Variants in NXN observed in about 807,000 individuals in gnomAD.
The protein encoded by NXN is nucleoredoxin 1.
Under a neutral mutation model 48.6 loss-of-function variants are expected in NXN, and 16 were observed. The ratio of observed to expected loss-of-function variants is 0.33; its 90% CI spans 0.22 to 0.50. The LOEUF is 0.50. Ranked by LOEUF, NXN falls within the 20% of genes least tolerant of loss-of-function variation. The pLI is 0.98. For synonymous variants in NXN, 281 were observed against 269.6 expected (o/e 1.04, Z -0.41); for missense variants, 492 against 605.5 (o/e 0.81, Z 1.97).
intron 1 of NXN, among the ~76,000 whole-genome samples, chr17:976,418 C>T (rs1182693307): frequency 2.6e-5 from 4 of 152,116 alleles, no homozygotes; most frequent in Non-Finnish European, 5.9e-5. Flanking sequence ...CCTTTGTTAT[C>T]CCAATGGGAA....
Position 958,604 on chromosome 17 carries a change from G to C in NXN, c.360+20715C>G, listed in dbSNP as rs189276308. On this transcript the variant is annotated intron_variant, in intron 1 of 7. Transcript: ENST00000336868. The surrounding 1 kb of genome is among the most constrained non-coding windows in gnomAD (Gnocchi z 6.9). ...TGGCCAACATGGTGAAACCCCATCT[G>C]TACTAAAAATACAAAAATTAGCCAG... Among the ~76,000 whole-genome samples, 314 of 152,004 alleles carry C rather than the reference G, an allele frequency of 2.1e-3. 3 individuals are homozygous for C. The highest frequency in any genetic ancestry group is 7.3e-3 in the African/African-American group (301 of 41,414).
intron 1 of NXN, among the ~76,000 whole-genome samples, chr17:899,992 G>C (rs1474309828): frequency 6.6e-6 from 1 of 152,292 alleles, no homozygotes; most frequent in South Asian, 2.1e-4. Flanking sequence ...AGGGCCGGGC[G>C]TGGTGGCTCA....
chr17:819,866 TG>T (rs1912725076), intron 4 of NXN, among the ~76,000 whole-genome samples: 1 of 152,202 alleles, frequency 6.6e-6, no homozygotes, highest in Admixed American at 6.5e-5. Flanking sequence ...AGCTCAGATG[TG>T]CACAGCCACT....
rs150868094 is a variant in NXN, at chr17:885,497, G to GA, written c.361-59420dup. On this transcript the variant is annotated intron_variant, in intron 1 of 7. Coordinates refer to ENST00000336868, the MANE Select transcript of NXN (RefSeq NM_022463.5). ...AATCTCAAAAAAAAGAAAAGAAAAG[G>GA]AAAAAAAAAAGAGTTCAGGATTTCA... is the stretch of plus-strand genomic sequence containing the variant. Among the ~76,000 whole-genome samples the GA allele has an allele frequency of 8.7e-4, 126 of 145,384 alleles. 2 individuals are homozygous for GA. The highest frequency in any genetic ancestry group is 2.9e-3 in the African/African-American group (114 of 39,338).
At chr17:943,440 C>T (rs78632458) in intron 1 of NXN, among the ~76,000 whole-genome samples, 22,755 of 152,116 alleles carry the variant, frequency 0.15, 2,271 homozygotes, top group East Asian at 0.33. Flanking sequence ...CTGTTCCCCA[C>T]GTGCCGTAAC....
chr17:928,776 C>T (rs1013881208), intron 1 of NXN, among the ~76,000 whole-genome samples: 2 of 152,110 alleles, frequency 1.3e-5, no homozygotes, highest in South Asian at 2.1e-4. Context: ...GCGGAGTTTG[C>T]AGTGAGCCGA....
At chr17:882,594 T>G (rs1391608057) in intron 1 of NXN, among the ~76,000 whole-genome samples, 2 of 151,840 alleles carry the variant, frequency 1.3e-5, no homozygotes, top group Non-Finnish European at 2.9e-5. Context: ...GCCTCCCATG[T>G]AACTGGGACT....
At chr17:889,783 A>G (rs2068396468) in intron 1 of NXN, among the ~76,000 whole-genome samples, 1 of 152,050 alleles carries the variant, frequency 6.6e-6, no homozygotes, top group Non-Finnish European at 1.5e-5. Context: ...GAAAAGAGAG[A>G]GAAAAGAAAT....
chr17:974,813 TTTTATTTATTTATTTA>T (rs34003449), intron 1 of NXN, among the ~76,000 whole-genome samples: 1 of 150,136 alleles, frequency 6.7e-6, no homozygotes, highest in Non-Finnish European at 1.5e-5. Flanking sequence ...ATTACTTTAT[TTTTATTTATTTATTTA>T]TTTATTTATT....
chr17:949,986 G>A (rs1597268623), intron 1 of NXN, among the ~76,000 whole-genome samples: 3 of 152,016 alleles, frequency 2.0e-5, no homozygotes, highest in Admixed American at 2.0e-4. Context: ...GTCCTCCTTG[G>A]AGCCAAAACA....
At chr17:869,903 A>G (rs1485124107) in intron 1 of NXN, among the ~76,000 whole-genome samples, 1 of 152,164 alleles carries the variant, frequency 6.6e-6, no homozygotes, top group East Asian at 1.9e-4. Flanking sequence ...GTGGCGTGCG[A>G]GAGCTCTCGT....
At chr17:889,761 A>AAGAGAG (rs1555619043) in intron 1 of NXN, among the ~76,000 whole-genome samples, 1 of 70,780 alleles carries the variant, frequency 1.4e-5, no homozygotes, top group Non-Finnish European at 2.8e-5. Context: ...GAAAGAAAGA[A>AAGAGAG]AAAGAAAGAA....
chr17:884,790 G>C (rs1158437504), intron 1 of NXN, among the ~76,000 whole-genome samples: 1 of 152,246 alleles, frequency 6.6e-6, no homozygotes, highest in African/African-American at 2.4e-5. Context: ...GCTGAAGACG[G>C]ATCCCAAGTG....
intron 1 of NXN, among the ~76,000 whole-genome samples, chr17:850,439 C>T (rs1252626706): frequency 6.6e-6 from 1 of 152,226 alleles, no homozygotes; most frequent in Non-Finnish European, 1.5e-5. Context: ...TGTGTGTGGA[C>T]ATGAGAAAAG....
At chr17:836,372 A>G (rs73975562) in intron 1 of NXN, among the ~76,000 whole-genome samples, 3,536 of 152,296 alleles carry the variant, frequency 0.023, 138 homozygotes, top group African/African-American at 0.08. Flanking sequence ...AGGTCAGCCA[A>G]GCCTTCTCGG....
In NXN at chr17:956,667, A is replaced by G. The variant is rs1376423507; in HGVS notation, c.360+22652T>C. Among the ~76,000 whole-genome samples, 2 of 152,164 alleles carry G rather than the reference A, an allele frequency of 1.3e-5. No individual in the cohort carries two copies. The highest frequency in any genetic ancestry group is 4.1e-4 in the South Asian group (2 of 4,832). On this transcript the variant is annotated intron_variant, in intron 1 of 7. Transcript: ENST00000336868. The surrounding 1 kb of genome is among the most constrained non-coding windows in gnomAD (Gnocchi z 4.1). ...AGACCTCAGGTGATCCGTCCACCTC[A>G]GCCTCCCAAAGTGCTGGGATTACAG... is the stretch of plus-strand genomic sequence containing the variant.
Position 825,221 on chromosome 17 carries a change from GAAAAAA to G in NXN, c.478+734_478+739del, listed in dbSNP as rs34471469. Among the ~76,000 whole-genome samples, 1 of 120,994 alleles carries G rather than the reference GAAAAAA, an allele frequency of 8.3e-6. No individual in the cohort carries two copies. Among genetic ancestry groups the G allele is most frequent in the Admixed American group, 8.6e-5 (1 of 11,666 alleles). 79.4% of individuals were successfully genotyped at this position (120,994 alleles called of 152,430 possible). On this transcript the variant is annotated intron_variant, in intron 2 of 7. Transcript: ENST00000336868. The surrounding 1 kb of genome is among the most constrained non-coding windows in gnomAD (Gnocchi z 4.1). The stretch of plus-strand genomic sequence containing the variant: ...GACAGAGGGAGATAGTGTCTCAAGA[GAAAAAA>G]AAAAAAAAAAAAGAAAAGCTTCACG...
At chr17:863,757 C>T (rs920775753) in intron 1 of NXN, 12 of 601,072 alleles carry the variant, frequency 2.0e-5, no homozygotes, top group Middle Eastern at 4.5e-4. Context: ...GCCTCTGCAC[C>T]TGGCTGACAC....
At chr17:866,919 A>G (rs1463538929) in intron 1 of NXN, among the ~76,000 whole-genome samples, 1 of 152,178 alleles carries the variant, frequency 6.6e-6, no homozygotes, top group East Asian at 1.9e-4. Context: ...GGGTCAGAAC[A>G]TGTGAGTGGA....
Sources: allele counts gnomAD v4.1 joint callset (sites outside exome capture counted in the v4.1 genomes callset), GRCh38; gene constraint gnomAD v4.1.1; non-coding constraint Gnocchi (gnomAD v3.1); transcripts MANE v1.5; gene names NCBI Gene and HGNC (gene_info 2026-07-23, HGNC 2026-07-21).